UGGT1: variants seen among roughly 807,000 people sequenced by gnomAD.
UGGT1 encodes UDP-glucose:glycoprotein glucosyltransferase 1.
A neutral mutation model predicts 203.9 loss-of-function variants in UGGT1; 107 were observed. The ratio of observed to expected loss-of-function variants is 0.52; its 90% CI spans 0.45 to 0.62. UGGT1 has a LOEUF of 0.62. Among genes scored for constraint, UGGT1 ranks in the 20% least tolerant of loss-of-function variants. UGGT1 has a pLI of 0.00. For synonymous variants in UGGT1, 628 were observed against 653.5 expected, an observed-to-expected ratio of 0.96 and a Z score of 0.59; for missense variants, 1,673 against 1,867.2, an observed-to-expected ratio of 0.90 and a Z score of 1.92.
chr2:128,179,670 G>C, intron 34 of UGGT1, 116 bp from the exon 35 acceptor site: 1 of 785,934 alleles, frequency 1.3e-6, no homozygotes, highest in Non-Finnish European at 2.0e-6. Context: ...GCCTAATTGA[G>C]CCATTAGTTA....
chr2:128,113,671 T>C (rs1221299017), intron 6 of UGGT1, among the ~76,000 whole-genome samples: 1 of 152,204 alleles, frequency 6.6e-6, no homozygotes, highest in Non-Finnish European at 1.5e-5. Context: ...AGACTTGATG[T>C]AATATTAAGC....
At chr2:128,184,527 C>G (rs952110947) in intron 38 of UGGT1, among the ~76,000 whole-genome samples, 1 of 152,184 alleles carries the variant, frequency 6.6e-6, no homozygotes, top group Non-Finnish European at 1.5e-5. Flanking sequence ...TCCTTCCTCC[C>G]TAACAAAAGT....
At chr2:128,107,094 C>G (rs1687642314) in intron 3 of UGGT1, among the ~76,000 whole-genome samples, 1 of 152,112 alleles carries the variant, frequency 6.6e-6, no homozygotes, top group African/African-American at 2.4e-5. Flanking sequence ...CCTGTTCCTT[C>G]TGTTTCTTTC....
intron 31 of UGGT1, 149 bp from the exon 32 acceptor site, chr2:128,176,665 G>C (rs569390900): frequency 2.0e-5 from 15 of 737,980 alleles, no homozygotes; most frequent in Middle Eastern, 3.3e-4. Context: ...ACGTGCTTCT[G>C]TGCAGCTCGA....
intron 37 of UGGT1, among the ~76,000 whole-genome samples, chr2:128,182,624 A>G (rs992664682): frequency 6.8e-6 from 1 of 146,100 alleles, no homozygotes; most frequent in Non-Finnish European, 1.5e-5. Flanking sequence ...GCTTGAACCC[A>G]GGAGGCGGAG....
intron 28 of UGGT1, among the ~76,000 whole-genome samples, chr2:128,171,860 C>G (rs988169798): frequency 1.3e-5 from 2 of 152,126 alleles, no homozygotes; most frequent in African/African-American, 4.8e-5. Flanking sequence ...TTGGAATATA[C>G]ATGTTAGAGG....
At position 128,113,172 on chromosome 2, in the gene UGGT1, T is replaced by C; in HGVS notation, c.610T>C (p.Ser204Pro). 6.2e-7 allele frequency: 1 copy of C among 1,613,402 alleles called. No individual in the cohort carries two copies. ...GGTGATTTTCTACTCTGAGATTGGC[T>C]CTGAGGAATTTTCCAATTTTCACCG... ...PVVIFYSEIG[S>P]EEFSNFHRQL... The change falls in exon 6 of 41, where the codon TCT (serine) becomes CCT (proline). Residue 204 changes from serine to proline, a missense_variant. Transcript: ENST00000259253.
At chr2:128,148,615 G>A (rs1466253215) in intron 18 of UGGT1, among the ~76,000 whole-genome samples, 1 of 152,200 alleles carries the variant, frequency 6.6e-6, no homozygotes, top group Non-Finnish European at 1.5e-5. Flanking sequence ...AGAGCCCCAA[G>A]GTTAGAGGCA....
rs182610033 is a variant in UGGT1, at chr2:128,127,980, A to G, written c.1226+528A>G. 2.4e-3 allele frequency among the ~76,000 whole-genome samples: 372 copies of G among 152,192 alleles called. 1 individual carries two copies. The highest frequency in any genetic ancestry group is 0.014 in the Middle Eastern group (4 of 294). On this transcript the variant is annotated intron_variant, in intron 12 of 40. Transcript: ENST00000259253. The stretch of plus-strand genomic sequence containing the variant: ...TACCAACTACTTGGAAGGCTGAGGC[A>G]GGAGGATCACTTGAACCTGGGAGGC...
chr2:128,109,721 G>GAATCTGATA lies in UGGT1; in HGVS notation c.496_497insAATCTGATA (p.Ala166delinsGluSerAspThr). 6.2e-7 allele frequency: 1 copy of GAATCTGATA among 1,613,938 alleles called. No homozygotes were observed. The highest frequency in any genetic ancestry group is 8.5e-7 in the Non-Finnish European group (1 of 1,179,892). ...GACTTGTGAATCTGATACCCTTGAG[G>GAATCTGATA]CTCTTCTACTGACAGCCTCTGAAAG... On this transcript the variant is annotated protein_altering_variant, in exon 5 of 41. Coordinates refer to ENST00000259253, the MANE Select transcript of UGGT1 (RefSeq NM_020120.4).
intron 15 of UGGT1, among the ~76,000 whole-genome samples, chr2:128,135,307 G>T (rs1689081392): frequency 6.6e-6 from 1 of 152,236 alleles, no homozygotes. Context: ...CCAATAACTT[G>T]TTAGCCTGTC....
chr2:128,125,170 G>C lies in UGGT1; in HGVS notation c.1134+1924G>C, dbSNP rs558282874. 7.2e-5 allele frequency among the ~76,000 whole-genome samples: 11 copies of C among 152,216 alleles called. No individual in the cohort carries two copies. In the East Asian group the frequency reaches 1.9e-3, roughly 27 times the overall value. ...GAAGAGCGTTTGGTGACTTGCCTTC[G>C]ATTCCCCATTATGTGTGTGGGGTCC... On this transcript the variant is annotated intron_variant, in intron 11 of 40. Coordinates refer to ENST00000259253, the MANE Select transcript of UGGT1 (RefSeq NM_020120.4).
At chr2:128,188,799 A>G (rs1249466957) in intron 40 of UGGT1, among the ~76,000 whole-genome samples, 1 of 152,236 alleles carries the variant, frequency 6.6e-6, no homozygotes, top group Non-Finnish European at 1.5e-5. Context: ...ACCTGTGACC[A>G]AGCAAGACCC....
chr2:128,193,175 CAAAAAAAAAAAAAA>C lies in UGGT1; in HGVS notation c.*3448_*3461del, dbSNP rs1172802172. On this transcript the variant is annotated 3_prime_UTR_variant, in exon 41 of 41. Transcript: ENST00000259253. Reference sequence around the variant, plus strand: ...CTGGCAATAGAGCGAGACTCCGTCTCAAAAAAAAAAAAAAAAAAAAAAAAAAAATTAAAACAGTT... The same window carrying C: ...CTGGCAATAGAGCGAGACTCCGTCTCAAAAAAAAAAAAAATTAAAACAGTT... 3.4e-5 allele frequency: 2 copies of C among 58,812 alleles called. No individual in the cohort carries two copies. Among genetic ancestry groups the C allele is most frequent in the Non-Finnish European group, 6.0e-5 (2 of 33,536 alleles). 3.6% of individuals were successfully genotyped at this position (58,812 alleles called of 1,614,324 possible).
intron 16 of UGGT1, among the ~76,000 whole-genome samples, chr2:128,139,496 A>G (rs904589873): frequency 1.3e-5 from 2 of 152,166 alleles, no homozygotes; most frequent in Admixed American, 6.5e-5. Flanking sequence ...GAGAGATGGT[A>G]CTGTACACAG....
At chr2:128,134,817 C>G in intron 14 of UGGT1, 59 bp from the exon 15 acceptor site, 1 of 1,492,616 alleles carries the variant, frequency 6.7e-7, no homozygotes. Context: ...ACATTTTTCT[C>G]GGCCCACAGA....
rs1207530850 is a variant in UGGT1, at chr2:128,190,480, T to C, written c.*738T>C. On this transcript the variant is annotated 3_prime_UTR_variant, in exon 41 of 41. Transcript: ENST00000259253. Reference sequence around the variant, plus strand: ...TATAATCCATTAGTAGCACCATGGCTCATTTGAAATGAAAATATTACACTT... The same window carrying C: ...TATAATCCATTAGTAGCACCATGGCCCATTTGAAATGAAAATATTACACTT... 1.3e-5 allele frequency: 2 copies of C among 152,156 alleles called. No individual in the cohort carries two copies. The highest frequency in any genetic ancestry group is 2.4e-5 in the African/African-American group (1 of 41,432). 9.4% of individuals were successfully genotyped at this position (152,156 alleles called of 1,614,324 possible). A position where few individuals can be genotyped will look rare whatever the true frequency, so the allele number is the denominator to read the frequency against.
chr2:128,127,825 G>A (rs974686355), intron 12 of UGGT1, among the ~76,000 whole-genome samples: 5 of 152,206 alleles, frequency 3.3e-5, no homozygotes, highest in Admixed American at 2.6e-4. Flanking sequence ...TGAAATCCCA[G>A]CACTTTGGGA....
At chr2:128,168,065 G>C (rs1690883887) in intron 26 of UGGT1, among the ~76,000 whole-genome samples, 1 of 152,126 alleles carries the variant, frequency 6.6e-6, no homozygotes, top group South Asian at 2.1e-4. Context: ...TAGAATTCTA[G>C]AATAGCAGAG....
Sources: gnomAD v4.1 joint callset for allele counts (sites outside exome capture counted in the v4.1 genomes callset) on GRCh38, gnomAD v4.1.1 for gene constraint, MANE v1.5 for transcripts, NCBI Gene and HGNC (gene_info 2026-07-23, HGNC 2026-07-21) for gene names.